NOL4: variants seen among roughly 807,000 people sequenced by gnomAD.
NOL4 encodes the protein nucleolar protein 4.
NOL4 carries 17 observed loss-of-function variants against 75.9 expected under a neutral mutation model. That is an observed-to-expected ratio of 0.22 (90% CI 0.15 to 0.34). NOL4 has a LOEUF of 0.34. NOL4 is among the 10% of genes least tolerant of loss of function. NOL4 has a pLI of 1.00. For missense variants in NOL4, 614 were observed against 793.5 expected, an observed-to-expected ratio of 0.77 and a Z score of 2.72; for synonymous variants, 292 against 289.9, an observed-to-expected ratio of 1.01 and a Z score of -0.07.
intron 1 of NOL4, among the ~76,000 whole-genome samples, chr18:34,135,947 T>C (rs1232505567): frequency 2.0e-5 from 3 of 152,040 alleles, no homozygotes; most frequent in Non-Finnish European, 2.9e-5. Context: ...AATAAAGTAC[T>C]AGCAAACCAA....
At chr18:34,144,880 C>T (rs908429089) in intron 1 of NOL4, among the ~76,000 whole-genome samples, 1 of 152,060 alleles carries the variant, frequency 6.6e-6, no homozygotes, top group Non-Finnish European at 1.5e-5. Context: ...TTGGAATATG[C>T]TTTTTCTGAG....
chr18:34,129,971 A>G lies in NOL4; in HGVS notation c.314T>C (p.Val105Ala). 3 of 1,597,302 alleles carry G rather than the reference A, an allele frequency of 1.9e-6. No individual in the cohort carries two copies. Among genetic ancestry groups the G allele is most frequent in the Non-Finnish European group, 1.7e-6 (2 of 1,171,064 alleles). The part of the protein sequence containing the change: ...EKLSLRRVAV[V>A]EDFFDIIYSM... ...ATAAATAATGTCAAAGAAATCTTCAACCACAGCTACCCGTCGTAAAGATAG... is the reference window on the plus strand; with the variant it reads ...ATAAATAATGTCAAAGAAATCTTCAGCCACAGCTACCCGTCGTAAAGATAG... The change falls in exon 2 of 11, where the codon GTT (valine) becomes GCT (alanine). Residue 105 changes from valine (V) to alanine (A), a missense_variant. Physicochemically the swap from Val to Ala is moderately conservative, Grantham distance 64. Around this residue, in one of 9 missense-constraint regions of NOL4, gnomAD observed 135 missense variants for 220.4 expected, o/e 0.61. Coordinates refer to ENST00000261592, the MANE Select transcript of NOL4 (RefSeq NM_003787.5).
rs561675439 is a variant in NOL4 at position 34,168,873 on chromosome 18, C to T, written c.265-38853G>A. On this transcript the variant is annotated intron_variant, in intron 1 of 10. Coordinates refer to ENST00000261592, the MANE Select transcript of NOL4 (RefSeq NM_003787.5). ...CAGTTAAAAGTAGTGGATAAGGAAA[C>T]ATTAAAAAATAAACAAGATAGATAT... Among the ~76,000 whole-genome samples, 5 of 151,350 alleles carry T rather than the reference C, an allele frequency of 3.3e-5. No homozygotes were observed. In the South Asian group the frequency reaches 8.3e-4, roughly 25 times the overall value.
At chr18:34,065,879 G>T (rs967869597) in intron 5 of NOL4, among the ~76,000 whole-genome samples, 1 of 151,778 alleles carries the variant, frequency 6.6e-6, no homozygotes, top group African/African-American at 2.4e-5. Flanking sequence ...TGAGGACTTC[G>T]GCTGAATATT....
At chr18:33,878,979 C>T (rs535637563) in intron 10 of NOL4, among the ~76,000 whole-genome samples, 1 of 152,106 alleles carries the variant, frequency 6.6e-6, no homozygotes, top group African/African-American at 2.4e-5. Flanking sequence ...AAGGTTTAAT[C>T]ACTGGCTTCA....
intron 10 of NOL4, among the ~76,000 whole-genome samples, chr18:33,855,477 C>G (rs957649169): frequency 6.6e-6 from 1 of 152,152 alleles, no homozygotes. Context: ...TCTGGAAAAG[C>G]TGGACCAGTT....
chr18:33,899,728 T>C (rs544821494), intron 9 of NOL4, among the ~76,000 whole-genome samples: 1 of 152,294 alleles, frequency 6.6e-6, no homozygotes, highest in South Asian at 2.1e-4. Context: ...TCTGTTTGGG[T>C]TCATTCCTTG....
At chr18:34,120,882 T>C (rs1297674538) in intron 2 of NOL4, among the ~76,000 whole-genome samples, 1 of 152,138 alleles carries the variant, frequency 6.6e-6, no homozygotes, top group Non-Finnish European at 1.5e-5. Context: ...ACTATATCAG[T>C]ATACATTAGT....
At chr18:34,180,501 C>G (rs1489200256) in intron 1 of NOL4, among the ~76,000 whole-genome samples, 1 of 151,504 alleles carries the variant, frequency 6.6e-6, no homozygotes, top group African/African-American at 2.4e-5. Context: ...TTAAGGGGAT[C>G]TACAAAAAAC....
At chr18:34,140,647 T>G (rs2081107706) in intron 1 of NOL4, among the ~76,000 whole-genome samples, 1 of 152,200 alleles carries the variant, frequency 6.6e-6, no homozygotes, top group South Asian at 2.1e-4. Flanking sequence ...TGCCAGTCTG[T>G]GTCTTTTAAT....
chr18:34,092,845 T>A (rs1037856723), intron 5 of NOL4, among the ~76,000 whole-genome samples: 1 of 152,206 alleles, frequency 6.6e-6, no homozygotes, highest in Non-Finnish European at 1.5e-5. Flanking sequence ...AATGTTAGTA[T>A]GACATCTACT....
chr18:34,215,755 G>A (rs990611531), intron 1 of NOL4, among the ~76,000 whole-genome samples: 1 of 152,158 alleles, frequency 6.6e-6, no homozygotes, highest in South Asian at 2.1e-4. Context: ...GAACAACCTG[G>A]GGTTAGGTGT....
At chr18:33,894,501 C>G (rs574828973) in intron 9 of NOL4, among the ~76,000 whole-genome samples, 1 of 152,160 alleles carries the variant, frequency 6.6e-6, no homozygotes, top group African/African-American at 2.4e-5. Flanking sequence ...CCCACTAAGA[C>G]AGATAATAAG....
At chr18:33,955,359 T>C (rs190638831) in intron 8 of NOL4, among the ~76,000 whole-genome samples, 321 of 152,168 alleles carry the variant, frequency 2.1e-3, no homozygotes, top group Middle Eastern at 0.01. Context: ...GTGAGCTGTG[T>C]TTGACAAATA....
intron 1 of NOL4, among the ~76,000 whole-genome samples, chr18:34,140,105 G>C (rs190729021): frequency 6.6e-6 from 1 of 152,196 alleles, no homozygotes; most frequent in East Asian, 1.9e-4. Context: ...CCAACTATGT[G>C]GTCAATTTTG....
chr18:33,856,252 T>C (rs1386650972), intron 10 of NOL4, among the ~76,000 whole-genome samples: 29 of 152,060 alleles, frequency 1.9e-4, no homozygotes, highest in Admixed American at 1.9e-3. Flanking sequence ...ATAAGTGATG[T>C]TATTAATAGC....
intron 2 of NOL4, among the ~76,000 whole-genome samples, chr18:34,117,304 A>G (rs1174968112): frequency 6.6e-6 from 1 of 152,192 alleles, no homozygotes; most frequent in Non-Finnish European, 1.5e-5. Context: ...CTCACCTGCT[A>G]TTGTGGTTTC....
chr18:34,217,538 C>G (rs567939317), intron 1 of NOL4, among the ~76,000 whole-genome samples: 1 of 152,112 alleles, frequency 6.6e-6, no homozygotes, highest in African/African-American at 2.4e-5. Flanking sequence ...CCGCCTGCCT[C>G]AGCCTCCCAG....
At chr18:34,116,788 T>C (rs2079880653) in intron 2 of NOL4, among the ~76,000 whole-genome samples, 1 of 152,166 alleles carries the variant, frequency 6.6e-6, no homozygotes, top group Non-Finnish European at 1.5e-5. Context: ...ACTCAAGCCA[T>C]AAAATAGTGC....
Sources: allele counts gnomAD v4.1 joint callset (sites outside exome capture counted in the v4.1 genomes callset), GRCh38; gene constraint gnomAD v4.1.1; regional missense constraint gnomAD v4.1.1; transcripts MANE v1.5; gene names NCBI Gene and HGNC (gene_info 2026-07-23, HGNC 2026-07-21).